RALYL: variants seen among roughly 807,000 people sequenced by gnomAD.
RALYL encodes the protein RALY RNA binding protein like.
In RALYL, 29 loss-of-function variants were observed where a neutral mutation model predicts 35.1. That is an observed-to-expected ratio of 0.83 (90% CI 0.61 to 1.13). The LOEUF is 1.13. Ranked by LOEUF, RALYL falls within the 50% of genes most tolerant of loss-of-function variation. The pLI, the probability that RALYL is intolerant of heterozygous loss-of-function variation, is 0.00. For missense variants in RALYL, 359 were observed against 360.4 expected (o/e 1.00, Z 0.03); for synonymous variants, 120 against 127.6 (o/e 0.94, Z 0.40).
intron 1 of RALYL, chr8:84,346,198 T>A: frequency 2.5e-6 from 1 of 394,004 alleles, no homozygotes; most frequent in Non-Finnish European, 3.5e-6. Context: ...TGTTGAATTT[T>A]AAATGTATTT....
chr8:84,763,612 A>G (rs1244464916), intron 2 of RALYL, among the ~76,000 whole-genome samples: 1 of 152,166 alleles, frequency 6.6e-6, no homozygotes, highest in African/African-American at 2.4e-5. Context: ...ATTTTCTTCT[A>G]TTCATTGGGT....
chr8:84,298,223 A>C (rs1483779337), intron 1 of RALYL, among the ~76,000 whole-genome samples: 1 of 151,982 alleles, frequency 6.6e-6, no homozygotes, highest in Non-Finnish European at 1.5e-5. Flanking sequence ...TGGTGAAAGG[A>C]AAGGATACAA....
chr8:84,613,322 T>C (rs1465565085), intron 2 of RALYL, among the ~76,000 whole-genome samples: 2 of 151,460 alleles, frequency 1.3e-5, no homozygotes, highest in Non-Finnish European at 2.9e-5. Context: ...CCCTTGAACT[T>C]TTTACTGTGT....
chr8:84,907,023 A>G lies in RALYL; in HGVS notation c.859-13871A>G, dbSNP rs560166270. The G allele has an allele frequency of 4.3e-4, 414 of 962,186 alleles. 1 individual carries two copies. The highest frequency in any genetic ancestry group is 1.1e-3 in the Admixed American group (18 of 16,236). 59.6% of individuals were successfully genotyped at this position (962,186 alleles called of 1,614,324 possible). ...AGTTCAGGCCTTTGGAAAGCTGGTA[A>G]GAATTCTTTTCACCTGGAATCTGAT... On this transcript the variant is annotated intron_variant, in intron 8 of 8. Coordinates refer to ENST00000521268, the MANE Select transcript of RALYL (RefSeq NM_173848.7).
At position 84,284,331 on chromosome 8, in the gene RALYL, G is replaced by T. The variant is rs901716643; in HGVS notation, c.-24+99907G>T. On this transcript the variant is annotated intron_variant, in intron 1 of 8. Transcript: ENST00000521268. Reference sequence around the variant, plus strand: ...CAAGCAGTAATGCAGAAAATTGCTCGGTTTGAAAGACTGTTTTTTAGCTTC... The same window carrying T: ...CAAGCAGTAATGCAGAAAATTGCTCTGTTTGAAAGACTGTTTTTTAGCTTC... Among the ~76,000 whole-genome samples, 3 of 152,060 alleles carry T rather than the reference G, an allele frequency of 2.0e-5. No homozygotes were observed. In the South Asian group the frequency reaches 6.2e-4, roughly 32 times the overall value.
intron 2 of RALYL, among the ~76,000 whole-genome samples, chr8:84,672,688 G>T (rs146180393): frequency 1.3e-5 from 2 of 152,260 alleles, no homozygotes; most frequent in East Asian, 1.9e-4. Context: ...GCAGGCAAGA[G>T]AACATGTACA....
intron 1 of RALYL, among the ~76,000 whole-genome samples, chr8:84,427,953 A>G (rs1289380625): frequency 2.6e-5 from 4 of 152,156 alleles, no homozygotes. Context: ...CATTATTGCT[A>G]AGGCAATGAA....
intron 1 of RALYL, among the ~76,000 whole-genome samples, chr8:84,468,346 C>T (rs2052070598): frequency 1.3e-5 from 2 of 151,914 alleles, no homozygotes; most frequent in African/African-American, 4.8e-5. Context: ...CTGGTGGTGA[C>T]AAAATCTCTC....
At chr8:84,225,134 C>T (rs1446290931) in intron 1 of RALYL, among the ~76,000 whole-genome samples, 1 of 152,190 alleles carries the variant, frequency 6.6e-6, no homozygotes, top group African/African-American at 2.4e-5. Context: ...CTTAATTCTT[C>T]TCTTTGCCTT....
intron 1 of RALYL, among the ~76,000 whole-genome samples, chr8:84,364,760 A>G (rs1853853573): frequency 6.6e-6 from 1 of 152,150 alleles, no homozygotes; most frequent in Non-Finnish European, 1.5e-5. Flanking sequence ...TATATTCTAC[A>G]CTAGTTTTTC....
chr8:84,252,722 C>G (rs1830441164), intron 1 of RALYL, among the ~76,000 whole-genome samples: 1 of 152,010 alleles, frequency 6.6e-6, no homozygotes, highest in South Asian at 2.1e-4. Context: ...TGACTTTTTT[C>G]ATTATCCTCA....
intron 2 of RALYL, among the ~76,000 whole-genome samples, chr8:84,556,558 C>A (rs994067578): frequency 2.0e-5 from 3 of 152,154 alleles, no homozygotes; most frequent in Non-Finnish European, 2.9e-5. Flanking sequence ...ATCCCTAACA[C>A]ATTACTCTGG....
intron 1 of RALYL, among the ~76,000 whole-genome samples, chr8:84,305,912 G>T (rs879195448): frequency 6.6e-6 from 1 of 152,124 alleles, no homozygotes. Context: ...GTCCTAAGAG[G>T]CAGAGAGACT....
At chr8:84,368,933 C>T (rs1336447082) in intron 1 of RALYL, among the ~76,000 whole-genome samples, 1 of 152,136 alleles carries the variant, frequency 6.6e-6, no homozygotes, top group Non-Finnish European at 1.5e-5. Flanking sequence ...AACTTCATGG[C>T]AAGTTTGTCT....
At chr8:84,389,844 C>T (rs1860194481) in intron 1 of RALYL, among the ~76,000 whole-genome samples, 1 of 150,730 alleles carries the variant, frequency 6.6e-6, no homozygotes, top group Admixed American at 6.6e-5. Flanking sequence ...TTTCCTTCTC[C>T]TGCCTAATTG....
intron 2 of RALYL, among the ~76,000 whole-genome samples, chr8:84,712,910 G>C (rs1365624698): frequency 1.3e-5 from 2 of 152,040 alleles, no homozygotes; most frequent in Non-Finnish European, 2.9e-5. Context: ...TCCATTCCAT[G>C]GTTGTCTCTT....
intron 2 of RALYL, among the ~76,000 whole-genome samples, chr8:84,698,507 T>A (rs1191594316): frequency 6.6e-6 from 1 of 152,056 alleles, no homozygotes; most frequent in Non-Finnish European, 1.5e-5. Flanking sequence ...ATCGTTTTTT[T>A]AGCATCATGT....
chr8:84,692,203 A>G (rs929300375), intron 2 of RALYL, among the ~76,000 whole-genome samples: 1 of 152,036 alleles, frequency 6.6e-6, no homozygotes. Flanking sequence ...CTCACCACTT[A>G]TATTTAGTAT....
intron 2 of RALYL, among the ~76,000 whole-genome samples, chr8:84,747,105 G>A (rs1808781156): frequency 6.6e-6 from 1 of 151,940 alleles, no homozygotes; most frequent in East Asian, 1.9e-4. Flanking sequence ...CATATGTCCA[G>A]TTAAAATTAG....
Sources: gnomAD v4.1 joint callset for allele counts (sites outside exome capture counted in the v4.1 genomes callset) on GRCh38, gnomAD v4.1.1 for gene constraint, MANE v1.5 for transcripts, NCBI Gene and HGNC (gene_info 2026-07-23, HGNC 2026-07-21) for gene names.